MAP2K4: variants seen among roughly 807,000 people sequenced by gnomAD.
The protein encoded by MAP2K4 is mitogen-activated protein kinase kinase 4.
Under a neutral mutation model 48.5 loss-of-function variants are expected in MAP2K4, and 4 were observed. That is an observed-to-expected ratio of 0.08 (90% CI 0.04 to 0.19). MAP2K4 has a LOEUF of 0.19. MAP2K4 is among the 10% of genes least tolerant of loss of function. The pLI is 1.00. For missense variants in MAP2K4, 258 were observed against 493.3 expected, an observed-to-expected ratio of 0.52 and a Z score of 4.52; for synonymous variants, 166 against 173.1, an observed-to-expected ratio of 0.96 and a Z score of 0.32.
chr17:12,073,555 T>A (rs1388439475), intron 2 of MAP2K4, among the ~76,000 whole-genome samples: 1 of 152,210 alleles, frequency 6.6e-6, no homozygotes, highest in African/African-American at 2.4e-5. Context: ...GGCAAATCCG[T>A]ATCAGACAAG....
At chr17:12,137,167 G>A (rs1055266710) in intron 9 of MAP2K4, among the ~76,000 whole-genome samples, 2 of 152,154 alleles carry the variant, frequency 1.3e-5, no homozygotes, top group African/African-American at 4.8e-5. Context: ...AGTTCATAGT[G>A]ATTAGTGGGG....
rs968661720 is a variant in MAP2K4 at position 12,141,972 on chromosome 17, T to A, written c.*712T>A. The A allele has an allele frequency of 4.7e-5, 11 of 233,048 alleles. No individual in the cohort carries two copies. Among genetic ancestry groups the A allele is most frequent in the African/African-American group, 2.2e-4 (10 of 45,216 alleles). The allele number at this position is 233,048 out of a possible 1,614,324, so 14.4% of individuals were successfully genotyped here. On this transcript the variant is annotated 3_prime_UTR_variant, in exon 11 of 11. Coordinates refer to ENST00000353533, the MANE Select transcript of MAP2K4 (RefSeq NM_003010.4). Reference sequence around the variant, plus strand: ...AATGTGTTCTTTTCTCCTTTACCAGTCCTATTTTTCAATGGGAAGACTCAG... The same window carrying A: ...AATGTGTTCTTTTCTCCTTTACCAGACCTATTTTTCAATGGGAAGACTCAG...
intron 2 of MAP2K4, chr17:12,069,780 G>T: frequency 1.1e-6 from 1 of 896,370 alleles, no homozygotes. Context: ...GCAGAAGGAT[G>T]CATAAAGCAG....
intron 8 of MAP2K4, among the ~76,000 whole-genome samples, chr17:12,127,344 G>A (rs541369310): frequency 6.6e-6 from 1 of 152,286 alleles, no homozygotes; most frequent in East Asian, 1.9e-4. Context: ...ACTGCAGCAA[G>A]ACCTAGAGCT....
chr17:12,108,570 T>C (rs1972203615), intron 5 of MAP2K4, among the ~76,000 whole-genome samples: 1 of 152,044 alleles, frequency 6.6e-6, no homozygotes, highest in Admixed American at 6.6e-5. Flanking sequence ...TTTTTTTTCC[T>C]AAAGGAAAAA....
chr17:12,076,157 T>G (rs1217916246), intron 2 of MAP2K4, among the ~76,000 whole-genome samples: 1 of 152,182 alleles, frequency 6.6e-6, no homozygotes, highest in African/African-American at 2.4e-5. Flanking sequence ...CTGTGTTTCT[T>G]TACAAAACAA....
intron 7 of MAP2K4, among the ~76,000 whole-genome samples, chr17:12,118,176 G>C (rs1161973885): frequency 1.3e-5 from 2 of 152,180 alleles, no homozygotes; most frequent in African/African-American, 2.4e-5. Flanking sequence ...GAATTCGCCA[G>C]GGTTATTGAT....
chr17:12,043,834 T>G (rs1597406173), intron 1 of MAP2K4, among the ~76,000 whole-genome samples: 1 of 151,814 alleles, frequency 6.6e-6, no homozygotes, highest in South Asian at 2.1e-4. Context: ...TTTATGGAGG[T>G]TTTATTAGGT....
intron 1 of MAP2K4, among the ~76,000 whole-genome samples, chr17:12,052,020 G>A (rs1217267183): frequency 6.6e-6 from 1 of 151,684 alleles, no homozygotes. Flanking sequence ...TCTCACCTTC[G>A]GTTGACATTT....
chr17:12,107,780 T>C lies in MAP2K4; in HGVS notation c.514-10T>C. On this transcript the variant is annotated splice_polypyrimidine_tract_variant and intron_variant, in intron 4 of 10. Coordinates refer to ENST00000353533, the MANE Select transcript of MAP2K4 (RefSeq NM_003010.4). ...ATGTATAAGAATAACAGATATTTGT[T>C]ATTTTATAGGGTGACTGTTGGATCT... 1 of 1,568,138 alleles carries C rather than the reference T, an allele frequency of 6.4e-7. No individual in the cohort carries two copies. The highest frequency in any genetic ancestry group is 8.6e-7 in the Non-Finnish European group (1 of 1,163,160).
chr17:12,121,169 T>A lies in MAP2K4; in HGVS notation c.814-4125T>A, dbSNP rs183550605. Among the ~76,000 whole-genome samples the A allele has an allele frequency of 2.6e-3, 394 of 152,314 alleles. 3 individuals carry two copies. The highest frequency in any genetic ancestry group is 8.9e-3 in the African/African-American group (369 of 41,566). Reference sequence around the variant, plus strand: ...CACAAACTTTGTTTCATGCACAAATTTATTTAAAATATAATATAAAATTAC... The same window carrying A: ...CACAAACTTTGTTTCATGCACAAATATATTTAAAATATAATATAAAATTAC... On this transcript the variant is annotated intron_variant, in intron 7 of 10. Coordinates refer to ENST00000353533, the MANE Select transcript of MAP2K4 (RefSeq NM_003010.4).
At chr17:12,123,265 T>A (rs2151585847) in intron 7 of MAP2K4, among the ~76,000 whole-genome samples, 1 of 152,340 alleles carries the variant, frequency 6.6e-6, no homozygotes, top group South Asian at 2.1e-4. Context: ...GGCAGGTTTT[T>A]AATAACATTC....
At chr17:12,048,162 C>A (rs1970025693) in intron 1 of MAP2K4, among the ~76,000 whole-genome samples, 1 of 152,192 alleles carries the variant, frequency 6.6e-6, no homozygotes, top group African/African-American at 2.4e-5. Flanking sequence ...GTCACCATGT[C>A]TGGCCTCACA....
chr17:12,121,897 A>G (rs1330732733), intron 7 of MAP2K4, among the ~76,000 whole-genome samples: 3 of 152,150 alleles, frequency 2.0e-5, no homozygotes, highest in South Asian at 4.1e-4. Context: ...AGAAAGTGGT[A>G]TGTTTCTTTA....
intron 6 of MAP2K4, among the ~76,000 whole-genome samples, chr17:12,111,337 C>T (rs899630763): frequency 1.3e-5 from 2 of 152,280 alleles, no homozygotes; most frequent in African/African-American, 2.4e-5. Context: ...GAACCTTGAA[C>T]ATCAGTAAAT....
chr17:12,088,911 C>CTT (rs5819350), intron 3 of MAP2K4, among the ~76,000 whole-genome samples: 24 of 128,204 alleles, frequency 1.9e-4, no homozygotes, highest in East Asian at 1.4e-3. Context: ...AATACAGATT[C>CTT]TTTTTTTTTT....
Position 12,141,402 on chromosome 17 carries a change from A to G in MAP2K4, c.*142A>G. 1.5e-6 allele frequency: 1 copy of G among 670,520 alleles called. No homozygotes were observed. The highest frequency in any genetic ancestry group is 2.7e-6 in the Non-Finnish European group (1 of 372,360). 41.5% of individuals were successfully genotyped at this position (670,520 alleles called of 1,614,324 possible). A position where few individuals can be genotyped will look rare whatever the true frequency, so the allele number is the denominator to read the frequency against. On this transcript the variant is annotated 3_prime_UTR_variant, in exon 11 of 11. Coordinates refer to ENST00000353533, the MANE Select transcript of MAP2K4 (RefSeq NM_003010.4). ...TGGTGTTCGTTTCCATCATGTCTGT[A>G]TACTCCTGTCACCTAGAACGTGCAT...
intron 7 of MAP2K4, among the ~76,000 whole-genome samples, chr17:12,121,217 T>C (rs757952539): frequency 4.6e-5 from 7 of 152,198 alleles, no homozygotes; most frequent in Non-Finnish European, 1.0e-4. Flanking sequence ...TATATAGTTG[T>C]ATATGAAACA....
intron 2 of MAP2K4, chr17:12,069,890 CATATAT>C (rs56309746): frequency 8.8e-5 from 16 of 182,162 alleles, no homozygotes; most frequent in African/African-American, 3.8e-4. Context: ...GAAGATTAGT[CATATAT>C]ATATATATAT....
Sources: allele counts gnomAD v4.1 joint callset (sites outside exome capture counted in the v4.1 genomes callset), GRCh38; gene constraint gnomAD v4.1.1; transcripts MANE v1.5; gene names NCBI Gene and HGNC (gene_info 2026-07-23, HGNC 2026-07-21).